Variants in PARVB observed in about 807,000 individuals in gnomAD.
PARVB encodes the protein parvin beta, also known as beta-parvin.
PARVB carries 46 observed loss-of-function variants against 47.0 expected under a neutral mutation model. The observed-to-expected ratio is 0.98, with a 90% confidence interval of 0.77 to 1.25. PARVB has a LOEUF of 1.25. Among genes scored for constraint, PARVB ranks in the 50% most tolerant of loss-of-function variants. The probability of loss-of-function intolerance (pLI) is 0.00; values close to 1 mark genes in which losing one functional copy is unlikely to be tolerated. For synonymous variants in PARVB, 196 were observed against 196.3 expected, an observed-to-expected ratio of 1.00 and a Z score of 0.01; for missense variants, 473 against 471.6, an observed-to-expected ratio of 1.00 and a Z score of -0.03.
At position 44,125,711 on chromosome 22, in the gene PARVB, T is replaced by A. The variant is rs2053171693; in HGVS notation, c.377-5776T>A. Among the ~76,000 whole-genome samples, 2 of 152,068 alleles carry A rather than the reference T, an allele frequency of 1.3e-5. No individual in the cohort carries two copies. On this transcript the variant is annotated intron_variant, in intron 4 of 12. Coordinates refer to ENST00000338758, the MANE Select transcript of PARVB (RefSeq NM_013327.5). This position sits in a 1 kb window ranked among gnomAD's most constrained non-coding sequence, Gnocchi z 4.1. ...CTCATTCAGCCCTGCTAGACAACAG[T>A]CTATTCCAAGTGACAGGAAGCCATT... is the stretch of plus-strand genomic sequence containing the variant.
chr22:44,075,022 A>G (rs1246305254), intron 1 of PARVB, among the ~76,000 whole-genome samples: 1 of 152,174 alleles, frequency 6.6e-6, no homozygotes, highest in Non-Finnish European at 1.5e-5. Context: ...GTTGAGCGGC[A>G]TCCCTGGCCT....
At chr22:44,116,160 G>C (rs963045449) in intron 3 of PARVB, 1 of 152,330 alleles carries the variant, frequency 6.6e-6, no homozygotes, top group African/African-American at 2.4e-5. Context: ...TGTTGACCTT[G>C]ACAGTTTTGA....
At chr22:44,087,671 CATAA>C (rs927036593) in intron 1 of PARVB, among the ~76,000 whole-genome samples, 99 of 150,374 alleles carry the variant, frequency 6.6e-4, no homozygotes, top group African/African-American at 2.4e-3. Flanking sequence ...AGAGCCTGGG[CATAA>C]ATAAATAAAT....
chr22:44,004,485 C>G (rs2050444439), intron 2 of PARVB, among the ~76,000 whole-genome samples: 1 of 152,154 alleles, frequency 6.6e-6, no homozygotes, highest in Non-Finnish European at 1.5e-5. Context: ...TCCCCAACTC[C>G]ACATTCCTCA....
chr22:44,127,785 CTTTT>C (rs5845634), intron 4 of PARVB, among the ~76,000 whole-genome samples: 1 of 71,068 alleles, frequency 1.4e-5, no homozygotes, highest in Non-Finnish European at 2.6e-5. Flanking sequence ...AGTCCCTCTT[CTTTT>C]TTTTTTTTTC....
At position 44,093,061 on chromosome 22, in the gene PARVB, G is replaced by A. The variant is rs534192771; in HGVS notation, c.113-867G>A. 5.9e-5 allele frequency among the ~76,000 whole-genome samples: 9 copies of A among 152,328 alleles called. No individual in the cohort carries two copies. In the South Asian group the frequency reaches 1.5e-3, roughly 25 times the overall value. ...AGTGGCCAGGGCCCTACCTGCACCC[G>A]GCACCATGGATGCATCTTGGGGCTG... On this transcript the variant is annotated intron_variant, in intron 1 of 12. Transcript: ENST00000338758.
chr22:44,132,119 C>T (rs1267256165), intron 5 of PARVB, among the ~76,000 whole-genome samples: 12 of 152,176 alleles, frequency 7.9e-5, no homozygotes, highest in African/African-American at 2.9e-4. Context: ...CCACTCCTTC[C>T]CCACCTCCCT....
chr22:44,148,882 A>G (rs1252299380), intron 9 of PARVB: 1 of 152,168 alleles, frequency 6.6e-6, no homozygotes, highest in Admixed American at 6.5e-5. Flanking sequence ...AGGCTGTTGG[A>G]ACCGTGCTAA....
intron 1 of PARVB, among the ~76,000 whole-genome samples, chr22:44,078,983 T>C (rs1569096546): frequency 6.6e-6 from 1 of 152,196 alleles, no homozygotes; most frequent in Non-Finnish European, 1.5e-5. Flanking sequence ...CGCCTCGGCC[T>C]CCCAAAGTGC....
chr22:44,015,637 G>C (rs1302958678), intron 2 of PARVB, among the ~76,000 whole-genome samples: 1 of 152,138 alleles, frequency 6.6e-6, no homozygotes, highest in Non-Finnish European at 1.5e-5. Context: ...TGGCCAACAT[G>C]GTGAAACCCC....
At position 44,044,747 on chromosome 22, in the gene PARVB, A is replaced by G. The variant is rs1444057005; in HGVS notation, c.112+20296A>G. ...GTGATCCACCTGCCTTGGCCTCCCA[A>G]TGTGCTGGGATTACAGGCATGAGCC... On this transcript the variant is annotated intron_variant, in intron 1 of 12. Transcript: ENST00000338758. Among the ~76,000 whole-genome samples the G allele has an allele frequency of 5.3e-5, 8 of 152,190 alleles. No individual in the cohort carries two copies. The South Asian group carries it at 6.2e-4, about 12-fold the overall frequency.
intron 12 of PARVB, chr22:44,168,331 C>T: frequency 2.4e-6 from 1 of 422,498 alleles, no homozygotes; most frequent in East Asian, 4.7e-5. Context: ...GATGCAGATC[C>T]AGGAGGGGCT....
At chr22:44,029,918 A>C (rs1271780705) in intron 1 of PARVB, among the ~76,000 whole-genome samples, 4 of 107,124 alleles carry the variant, frequency 3.7e-5, no homozygotes. Flanking sequence ...TCAAAAAAAA[A>C]AAAGAAAAGA....
intron 3 of PARVB, chr22:44,104,642 A>C (rs2052528032): frequency 6.6e-6 from 1 of 152,214 alleles, no homozygotes; most frequent in Non-Finnish European, 1.5e-5. Flanking sequence ...GGTCCTCACT[A>C]CACAAGGCCA....
At chr22:44,146,510 C>T (rs77685606) in intron 8 of PARVB, 5,251 of 152,542 alleles carry the variant, frequency 0.034, 121 homozygotes, top group Non-Finnish European at 0.055. Flanking sequence ...CACAAGGCCA[C>T]GGAAGGGGCT....
intron 1 of PARVB, among the ~76,000 whole-genome samples, chr22:44,085,504 C>T (rs1161441901): frequency 2.6e-5 from 4 of 152,020 alleles, no homozygotes; most frequent in African/African-American, 9.7e-5. Flanking sequence ...GGGGTTTTGC[C>T]TTGTTGCCCC....
intron 1 of PARVB, among the ~76,000 whole-genome samples, chr22:44,071,885 G>A (rs531053487): frequency 6.6e-5 from 10 of 152,194 alleles, no homozygotes; most frequent in South Asian, 2.1e-4. Context: ...CCCTGTAGGC[G>A]TCCATGCCTG....
intron 11 of PARVB, among the ~76,000 whole-genome samples, chr22:44,160,225 G>A (rs532020066): frequency 6.6e-6 from 1 of 152,292 alleles, no homozygotes; most frequent in East Asian, 1.9e-4. Flanking sequence ...TCTGTCGAGT[G>A]GGGTGCATCC....
At chr22:44,135,956 A>G (rs1321220247) in intron 6 of PARVB, among the ~76,000 whole-genome samples, 1 of 152,242 alleles carries the variant, frequency 6.6e-6, no homozygotes, top group Non-Finnish European at 1.5e-5. Flanking sequence ...ATAATCCATG[A>G]TGACCTCATC....
Sources: gnomAD v4.1 joint callset for allele counts (sites outside exome capture counted in the v4.1 genomes callset) on GRCh38, gnomAD v4.1.1 for gene constraint, Gnocchi (gnomAD v3.1) non-coding constraint, MANE v1.5 for transcripts, NCBI Gene and HGNC (gene_info 2026-07-23, HGNC 2026-07-21) for gene names.